Variants in NUBPL observed in about 807,000 individuals in gnomAD.
NUBPL encodes iron-sulfur cluster transfer protein NUBPL.
NUBPL carries 31 observed loss-of-function variants against 45.7 expected under a neutral mutation model. The observed-to-expected ratio is 0.68, with a 90% CI of 0.51 to 0.92. NUBPL has a LOEUF of 0.92. Among genes scored for constraint, NUBPL ranks in the 40% least tolerant of loss-of-function variants. The pLI, the probability that NUBPL is intolerant of heterozygous loss-of-function variation, is 0.00. For synonymous variants in NUBPL, 144 were observed against 140.9 expected (o/e 1.02, Z -0.15); for missense variants, 401 against 398.7 (o/e 1.01, Z -0.05).
intron 3 of NUBPL, among the ~76,000 whole-genome samples, chr14:31,570,565 T>C (rs2033554890): frequency 1.3e-5 from 2 of 152,208 alleles, no homozygotes; most frequent in Admixed American, 1.3e-4. Flanking sequence ...ACATAGTATT[T>C]ATCAGTTTTA....
intron 4 of NUBPL, among the ~76,000 whole-genome samples, chr14:31,623,572 C>G (rs958223272): frequency 6.6e-6 from 1 of 152,050 alleles, no homozygotes; most frequent in Non-Finnish European, 1.5e-5. Flanking sequence ...AATGAGTGAG[C>G]CCCTGTCTCT....
At chr14:31,572,431 G>A (rs1366417544) in intron 3 of NUBPL, among the ~76,000 whole-genome samples, 1 of 152,128 alleles carries the variant, frequency 6.6e-6, no homozygotes, top group South Asian at 2.1e-4. Context: ...GAGCCACTGT[G>A]CCTGGCCTAG....
At chr14:31,772,393 C>T (rs2039024472) in intron 6 of NUBPL, among the ~76,000 whole-genome samples, 1 of 152,096 alleles carries the variant, frequency 6.6e-6, no homozygotes, top group South Asian at 2.1e-4. Flanking sequence ...CATCACCTTC[C>T]TAGGTTATGA....
At chr14:31,638,690 A>G (rs1032499328) in intron 4 of NUBPL, among the ~76,000 whole-genome samples, 4 of 152,180 alleles carry the variant, frequency 2.6e-5, no homozygotes, top group African/African-American at 7.2e-5. Context: ...GTGTTTTCCA[A>G]CTTGGTTCCA....
chr14:31,567,243 C>CA (rs775631916), intron 3 of NUBPL, among the ~76,000 whole-genome samples: 1 of 152,158 alleles, frequency 6.6e-6, no homozygotes, highest in Non-Finnish European at 1.5e-5. Flanking sequence ...TTTTCCCTCT[C>CA]AAAGAGTTTA....
intron 4 of NUBPL, among the ~76,000 whole-genome samples, chr14:31,671,577 A>G (rs2036570842): frequency 6.6e-6 from 1 of 152,222 alleles, no homozygotes; most frequent in Admixed American, 6.5e-5. Flanking sequence ...ATTGAAGAAA[A>G]TGGCCAAAAA....
chr14:31,695,846 G>A (rs1477807024), intron 6 of NUBPL, among the ~76,000 whole-genome samples: 1 of 152,158 alleles, frequency 6.6e-6, no homozygotes, highest in East Asian at 1.9e-4. Context: ...TGAGTCATTT[G>A]TGCCAAATTT....
intron 6 of NUBPL, among the ~76,000 whole-genome samples, chr14:31,711,978 T>C (rs1178478240): frequency 1.3e-5 from 2 of 152,178 alleles, no homozygotes; most frequent in African/African-American, 4.8e-5. Context: ...CAGTGAGTGT[T>C]AGAGCTCGTA....
At chr14:31,853,392 G>A (rs1023377654) in intron 10 of NUBPL, among the ~76,000 whole-genome samples, 1 of 152,106 alleles carries the variant, frequency 6.6e-6, no homozygotes, top group African/African-American at 2.4e-5. Flanking sequence ...TTTAGGGGTT[G>A]ACTCATAGGC....
chr14:31,834,858 G>A (rs1451788748), intron 8 of NUBPL, among the ~76,000 whole-genome samples: 4 of 152,200 alleles, frequency 2.6e-5, no homozygotes, highest in Admixed American at 2.6e-4. Context: ...CAAGAAGTCA[G>A]CTTTCCAGAG....
At chr14:31,672,486 CAG>C (rs1555326851) in intron 4 of NUBPL, among the ~76,000 whole-genome samples, 1 of 151,918 alleles carries the variant, frequency 6.6e-6, no homozygotes, top group Non-Finnish European at 1.5e-5. Flanking sequence ...TTTTTTGAGA[CAG>C]AGTCTTGTTC....
chr14:31,790,088 T>C lies in NUBPL; in HGVS notation c.607+2215T>C, dbSNP rs574193193. ...CATATAGATAATACATTAGTAAAATTGGGCTAAATTCTCATTTATGTCTTG... is the reference window on the plus strand; with the variant it reads ...CATATAGATAATACATTAGTAAAATCGGGCTAAATTCTCATTTATGTCTTG... On this transcript the variant is annotated intron_variant, in intron 7 of 10. Transcript: ENST00000281081. Among the ~76,000 whole-genome samples the C allele has an allele frequency of 2.0e-5, 3 of 152,336 alleles. No individual in the cohort carries two copies. In the South Asian group the frequency reaches 6.2e-4, roughly 32 times the overall value.
rs191148936 is a variant in NUBPL, at chr14:31,625,295, A to T, written c.382+25916A>T. ...GACAGTATGTTCAAAATTTCAGTTT[A>T]TGAAACTGTTATGTTGAAGACATCT... On this transcript the variant is annotated intron_variant, in intron 4 of 10. Coordinates refer to ENST00000281081, the MANE Select transcript of NUBPL (RefSeq NM_025152.3). Among the ~76,000 whole-genome samples the T allele has an allele frequency of 4.2e-3, 647 of 152,276 alleles. 1 individual carries two copies. Among genetic ancestry groups the T allele is most frequent in the Non-Finnish European group, 7.3e-3 (494 of 68,014 alleles).
At chr14:31,781,832 T>A (rs2039196567) in intron 6 of NUBPL, among the ~76,000 whole-genome samples, 1 of 152,188 alleles carries the variant, frequency 6.6e-6, no homozygotes, top group African/African-American at 2.4e-5. Flanking sequence ...CCTTTCCCTA[T>A]AATTCTCTTT....
chr14:31,652,677 C>A (rs2036039175), intron 4 of NUBPL, among the ~76,000 whole-genome samples: 2 of 152,004 alleles, frequency 1.3e-5, no homozygotes, highest in Admixed American at 1.3e-4. Context: ...TATATAAAAA[C>A]CAAAATTTAT....
At chr14:31,749,249 T>C (rs2038468298) in intron 6 of NUBPL, among the ~76,000 whole-genome samples, 1 of 152,198 alleles carries the variant, frequency 6.6e-6, no homozygotes, top group Non-Finnish European at 1.5e-5. Context: ...ATGTCTGTAG[T>C]GATAAGGTTT....
At chr14:31,707,798 C>T (rs12147945) in intron 6 of NUBPL, among the ~76,000 whole-genome samples, 45,716 of 152,056 alleles carry the variant, frequency 0.3, 7,570 homozygotes, top group South Asian at 0.41. Flanking sequence ...CTTGCTGGCA[C>T]GAGGCTTCTG....
At position 31,860,175 on chromosome 14, in the gene NUBPL, T is replaced by C. The variant is rs10136892; in HGVS notation, c.*995T>C. On this transcript the variant is annotated 3_prime_UTR_variant, in exon 11 of 11. Transcript: ENST00000281081. ...AAAATTAGCTGGGTGTGGTGGCATA[T>C]GCCTGTAATCCCAGCTACTCGGGAG... 0.59 allele frequency: 89,516 copies of C among 151,582 alleles called. 28,963 individuals are homozygous for C. Among genetic ancestry groups the C allele is most frequent in the African/African-American group, 0.88 (36,405 of 41,316 alleles). The allele number at this position is 151,582 out of a possible 1,614,324, so 9.4% of individuals were successfully genotyped here. A position where few individuals can be genotyped will look rare whatever the true frequency, so the allele number is the denominator to read the frequency against.
chr14:31,662,903 G>C (rs1169548753), intron 4 of NUBPL, among the ~76,000 whole-genome samples: 1 of 152,210 alleles, frequency 6.6e-6, no homozygotes, highest in Non-Finnish European at 1.5e-5. Flanking sequence ...TTCAGCATCT[G>C]CTGTTTCCTG....
Sources: allele counts gnomAD v4.1 joint callset (sites outside exome capture counted in the v4.1 genomes callset), GRCh38; gene constraint gnomAD v4.1.1; transcripts MANE v1.5; gene names NCBI Gene and HGNC (gene_info 2026-07-23, HGNC 2026-07-21).